DOP1B: variants seen among roughly 807,000 people sequenced by gnomAD.
The protein encoded by DOP1B is DOP1 leucine zipper like protein B, also known as protein DOP1B.
A neutral mutation model predicts 233.5 loss-of-function variants in DOP1B; 174 were observed. The observed-to-expected ratio is 0.75, with a 90% CI of 0.66 to 0.85. The LOEUF is 0.85. Ranked by LOEUF, DOP1B falls within the 40% of genes least tolerant of loss-of-function variation. The pLI, the probability that DOP1B is intolerant of heterozygous loss-of-function variation, is 0.00. For missense variants in DOP1B, 2,652 were observed against 2,846.6 expected, an observed-to-expected ratio of 0.93 and a Z score of 1.56; for synonymous variants, 1,190 against 1,185.6, an observed-to-expected ratio of 1.00 and a Z score of -0.08.
At chr21:36,179,158 T>C (rs902723726) in intron 2 of DOP1B, among the ~76,000 whole-genome samples, 6 of 152,250 alleles carry the variant, frequency 3.9e-5, no homozygotes, top group Admixed American at 2.0e-4. Context: ...TTTCCTTCTT[T>C]TTTACTGCTG....
chr21:36,231,222 A>G (rs1196747855), intron 14 of DOP1B, 88 bp downstream of exon 14: 4 of 1,457,022 alleles, frequency 2.7e-6, no homozygotes, highest in Admixed American at 2.4e-5. Context: ...CCACAATGCT[A>G]GGGACCAAAT....
chr21:36,224,882 C>T (rs2066664504), intron 11 of DOP1B, among the ~76,000 whole-genome samples: 1 of 151,916 alleles, frequency 6.6e-6, no homozygotes, highest in South Asian at 2.1e-4. Flanking sequence ...TAGTCCCAGG[C>T]CACTCCTACA....
rs1175535872 is a variant in DOP1B at position 36,247,571 on chromosome 21, A to C, written c.4752A>C (p.Glu1584Asp). The stretch of plus-strand genomic sequence containing the variant: ...CAGATTATCCACTCACCCTTCTAGA[A>C]GGTCTAACGACCATTAGTCATTTTT... ...ISPDYPLTLL[E>D]GLTTISHFCL... The change falls in exon 20 of 37, where the codon GAA becomes GAC. Residue 1584 changes from glutamate (E) to aspartate (D), a missense_variant. This residue lies in a region of DOP1B where 2,617 missense variants were observed against 2,794.3 expected (regional missense o/e 0.94). Transcript: ENST00000691173. The C allele has an allele frequency of 1.9e-6, 3 of 1,611,164 alleles. No individual in the cohort carries two copies. The highest frequency in any genetic ancestry group is 1.3e-5 in the African/African-American group (1 of 74,804).
chr21:36,257,203 G>C (rs2067108585), intron 23 of DOP1B, among the ~76,000 whole-genome samples: 1 of 152,194 alleles, frequency 6.6e-6, no homozygotes, highest in Admixed American at 6.5e-5. Flanking sequence ...CAGAGCTCCT[G>C]TGCCCTCCGT....
At chr21:36,251,103 T>C in intron 21 of DOP1B, 59 bp from the exon 22 acceptor site, 1 of 1,571,794 alleles carries the variant, frequency 6.4e-7, no homozygotes, top group Non-Finnish European at 8.6e-7. Context: ...TGGTTCAATG[T>C]ATATGATGCC....
chr21:36,288,699 AT>A (rs2067517459), intron 33 of DOP1B, 56 bp from the exon 34 acceptor site: 4 of 1,294,740 alleles, frequency 3.1e-6, no homozygotes, highest in Admixed American at 2.1e-5. Context: ...GTAAAAAAAA[AT>A]ATTTGGGTAG....
At chr21:36,274,299 A>G (rs1426706628) in intron 27 of DOP1B, among the ~76,000 whole-genome samples, 1 of 152,208 alleles carries the variant, frequency 6.6e-6, no homozygotes, top group African/African-American at 2.4e-5. Flanking sequence ...AGGCAGGGTC[A>G]ACAGAAAGGG....
rs751328911 is a variant in DOP1B at position 36,263,629 on chromosome 21, C to T, written c.5399C>T (p.Pro1800Leu). The T allele has an allele frequency of 1.2e-6, 2 of 1,614,124 alleles. No homozygotes were observed. Among genetic ancestry groups the T allele is most frequent in the Non-Finnish European group, 1.7e-6 (2 of 1,180,016 alleles). The change falls in exon 25 of 37, where the codon CCT becomes CTT. Residue 1800 changes from proline (P) to leucine (L), a missense_variant. Coordinates refer to ENST00000691173, the MANE Select transcript of DOP1B (RefSeq NM_001320714.2). ...TCTGTACAGTTGAATCTAGCCCCAC[C>T]TGGGTATTTTCTGCTTCTCAGGTAT... Reference protein sequence around the residue: ...KESVQLNLAPPGYFLLLSMLN... With the variant: ...KESVQLNLAPLGYFLLLSMLN...
Position 36,281,546 on chromosome 21 carries a change from G to T in DOP1B, c.6095G>T (p.Arg2032Leu). ...GAACAGAAAGCCATGCTGTTAAAGC[G>T]CCAGGCTTTTGCTGTCTTCAGTGGA... Reference protein sequence around the residue: ...SFEQKAMLLKRQAFAVFSGEL... With the variant: ...SFEQKAMLLKLQAFAVFSGEL... The change falls in exon 32 of 37, where the codon CGC (arginine) becomes CTC (leucine). Residue 2032 changes from arginine to leucine, a missense_variant. Transcript: ENST00000691173. 6 of 1,609,804 alleles carry T rather than the reference G, an allele frequency of 3.7e-6. No homozygotes were observed. Among genetic ancestry groups the T allele is most frequent in the Non-Finnish European group, 5.1e-6 (6 of 1,176,494 alleles).
In DOP1B at chr21:36,245,100, C is replaced by T. The variant is rs145948712; in HGVS notation, c.3120C>T (p.Cys1040=). 79 of 1,612,286 alleles carry T rather than the reference C, an allele frequency of 4.9e-5. No homozygotes were observed. Among genetic ancestry groups the T allele is most frequent in the African/African-American group, 1.3e-4 (10 of 75,030 alleles). ...AGAAAACCTCTTTCAGAGAGGCATG[C>T]GCAGTGCCCGAGCCTCAGGAGAGCG... The part of the protein sequence containing the change: ...NRKKTSFREA[C]AVPEPQESGS... The change falls in exon 19 of 37, where the codon TGC becomes TGT. Residue 1040 remains cysteine (C), a synonymous_variant. Coordinates refer to ENST00000691173, the MANE Select transcript of DOP1B (RefSeq NM_001320714.2). The surrounding 1 kb of genome is among the most constrained non-coding windows in gnomAD (Gnocchi z 5.5).
chr21:36,185,586 C>A (rs1016980377), intron 2 of DOP1B, among the ~76,000 whole-genome samples: 15 of 152,164 alleles, frequency 9.9e-5, no homozygotes, highest in African/African-American at 3.6e-4. Context: ...TATTTCAGGT[C>A]GGCCAGCGCC....
intron 4 of DOP1B, among the ~76,000 whole-genome samples, chr21:36,202,649 T>C (rs1601407487): frequency 6.6e-6 from 1 of 152,356 alleles, no homozygotes; most frequent in Middle Eastern, 3.4e-3. Flanking sequence ...ACTAAAACAT[T>C]GCACTTTAAC....
At chr21:36,163,923 C>T (rs1568993115) in intron 1 of DOP1B, among the ~76,000 whole-genome samples, 1 of 152,150 alleles carries the variant, frequency 6.6e-6, no homozygotes, top group Non-Finnish European at 1.5e-5. Context: ...AACATCATGC[C>T]TTTGTTCTAG....
At chr21:36,179,926 A>G (rs974360578) in intron 2 of DOP1B, among the ~76,000 whole-genome samples, 4 of 152,174 alleles carry the variant, frequency 2.6e-5, no homozygotes, top group African/African-American at 7.2e-5. Context: ...GTGGACGTAC[A>G]GTGAAGCCTC....
At chr21:36,232,700 C>T in intron 14 of DOP1B, 104 bp from the exon 15 acceptor site, 1 of 1,507,382 alleles carries the variant, frequency 6.6e-7, no homozygotes, top group Non-Finnish European at 9.0e-7. Context: ...AGGTGGATTT[C>T]TCAGGTAACT....
chr21:36,290,128 C>T (rs914721492), intron 35 of DOP1B, among the ~76,000 whole-genome samples: 3 of 152,138 alleles, frequency 2.0e-5, no homozygotes, highest in Admixed American at 6.6e-5. Flanking sequence ...GATAATACGG[C>T]AGGCTTGTAT....
At chr21:36,216,606 G>A (rs116953718) in intron 9 of DOP1B, among the ~76,000 whole-genome samples, 5,452 of 151,900 alleles carry the variant, frequency 0.036, 131 homozygotes, top group Non-Finnish European at 0.051. Flanking sequence ...GTGAGACTCC[G>A]TCTCAAAAAA....
At chr21:36,176,183 C>G (rs2066028125) in intron 2 of DOP1B, among the ~76,000 whole-genome samples, 1 of 151,290 alleles carries the variant, frequency 6.6e-6, no homozygotes. Flanking sequence ...GATTTGTGCC[C>G]CCTCCACCGC....
chr21:36,289,541 G>A (rs1035800815), intron 35 of DOP1B, among the ~76,000 whole-genome samples: 1 of 150,708 alleles, frequency 6.6e-6, no homozygotes, highest in Non-Finnish European at 1.5e-5. Context: ...CCTTTGTGTA[G>A]ACCTTTTTGT....
Sources: allele counts gnomAD v4.1 joint callset (sites outside exome capture counted in the v4.1 genomes callset), GRCh38; gene constraint gnomAD v4.1.1; regional missense constraint gnomAD v4.1.1; non-coding constraint Gnocchi (gnomAD v3.1); transcripts MANE v1.5; gene names NCBI Gene and HGNC (gene_info 2026-07-23, HGNC 2026-07-21).